UBE2D3: variants seen among roughly 807,000 people sequenced by gnomAD.
UBE2D3 encodes ubiquitin conjugating enzyme E2 D3, also known as ubiquitin-conjugating enzyme E2 D3.
A neutral mutation model predicts 22.8 loss-of-function variants in UBE2D3; 2 were observed. The observed-to-expected ratio is 0.09, with a 90% CI of 0.04 to 0.28. UBE2D3 has a LOEUF of 0.28. Among genes scored for constraint, UBE2D3 ranks in the 10% least tolerant of loss-of-function variants. UBE2D3 has a pLI of 1.00. For missense variants in UBE2D3, 27 were observed against 182.5 expected (o/e 0.15, Z 4.91); for synonymous variants, 56 against 60.4 (o/e 0.93, Z 0.34).
intron 2 of UBE2D3, chr4:102,825,448 GTTAACAT>G: frequency 1.8e-6 from 2 of 1,140,140 alleles, no homozygotes; most frequent in East Asian, 1.3e-4. Flanking sequence ...CGATATAAAA[GTTAACAT>G]TTAACAAATC....
At chr4:102,812,711 T>C (rs558784835) in intron 2 of UBE2D3, 1 of 152,328 alleles carries the variant, frequency 6.6e-6, no homozygotes, top group Admixed American at 6.5e-5. Context: ...TAAGTTTGTA[T>C]TCTGTAGCAG....
At chr4:102,827,672 C>T, upstream of UBE2D3, 12 of 986,266 alleles carry the variant, frequency 1.2e-5, no homozygotes, top group Non-Finnish European at 1.4e-5. Flanking sequence ...AGACGGCTTG[C>T]TTCCCACGTC....
chr4:102,805,341 AG>A (rs1726858165), intron 4 of UBE2D3, among the ~76,000 whole-genome samples: 3 of 152,340 alleles, frequency 2.0e-5, no homozygotes, highest in Admixed American at 6.5e-5. Flanking sequence ...CCAAAGAATA[AG>A]GAACACTGTG....
At chr4:102,868,549 A>G (rs1171879968) in intron 1 of UBE2D3, among the ~76,000 whole-genome samples, 2 of 151,988 alleles carry the variant, frequency 1.3e-5, no homozygotes, top group Non-Finnish European at 2.9e-5. Context: ...TTTAATTTTT[A>G]TTTTTTTAAG....
In UBE2D3 at chr4:102,826,616, A is replaced by T; in HGVS notation, c.-108T>A. ...GGGCAGGATTGTCTCGTCTCACACC[A>T]GCTCTGCCAGACACAGGCGCCTTTT... On this transcript the variant is annotated 5_prime_UTR_variant, in exon 2 of 8. Coordinates refer to ENST00000453744, the MANE Select transcript of UBE2D3 (RefSeq NM_181891.3). The T allele has an allele frequency of 6.3e-7, 1 of 1,590,170 alleles. No individual in the cohort carries two copies.
At chr4:102,850,274 TAAG>T (rs1373855982) in intron 1 of UBE2D3, among the ~76,000 whole-genome samples, 1 of 152,196 alleles carries the variant, frequency 6.6e-6, no homozygotes, top group Admixed American at 6.5e-5. Context: ...GGAGCTCTCA[TAAG>T]AAGGTTTCTA....
chr4:102,828,029 T>G, upstream of UBE2D3: 1 of 985,456 alleles, frequency 1.0e-6, no homozygotes, highest in Non-Finnish European at 1.2e-6. Flanking sequence ...AGCAGTTTTG[T>G]GCGCTTTTCC....
intron 1 of UBE2D3, among the ~76,000 whole-genome samples, chr4:102,853,624 A>G (rs1732487316): frequency 6.6e-6 from 1 of 152,150 alleles, no homozygotes; most frequent in African/African-American, 2.4e-5. Flanking sequence ...ATAAATTTGT[A>G]TTTTTCTGTA....
chr4:102,812,851 C>A (rs1728241531), intron 2 of UBE2D3: 1 of 152,156 alleles, frequency 6.6e-6, no homozygotes, highest in Non-Finnish European at 1.5e-5. Flanking sequence ...TTTTAAGACA[C>A]CTTAGCTCCC....
At chr4:102,816,858 C>T (rs954155945) in intron 2 of UBE2D3, among the ~76,000 whole-genome samples, 1 of 152,070 alleles carries the variant, frequency 6.6e-6, no homozygotes, top group African/African-American at 2.4e-5. Flanking sequence ...GGTATAAAAA[C>T]ACCAAGATAA....
chr4:102,864,518 C>T (rs1476698910), intron 1 of UBE2D3, among the ~76,000 whole-genome samples: 1 of 152,124 alleles, frequency 6.6e-6, no homozygotes. Context: ...AGTAAAGGGT[C>T]ATTCATTGAT....
In UBE2D3 at chr4:102,795,552, A is replaced by G. The variant is rs1725186029; in HGVS notation, c.*1863T>C. 1 of 152,084 alleles carries G rather than the reference A, an allele frequency of 6.6e-6. No individual in the cohort carries two copies. The highest frequency in any genetic ancestry group is 2.1e-4 in the South Asian group (1 of 4,836). 9.4% of individuals were successfully genotyped at this position (152,084 alleles called of 1,614,324 possible). On this transcript the variant is annotated 3_prime_UTR_variant, in exon 8 of 8. Coordinates refer to ENST00000453744, the MANE Select transcript of UBE2D3 (RefSeq NM_181891.3). ...CAAAATGAAAAAATTCACTCATTGGAAAAACTGCGTAGCTGGTTTTTTCCC... is the reference window on the plus strand; with the variant it reads ...CAAAATGAAAAAATTCACTCATTGGGAAAACTGCGTAGCTGGTTTTTTCCC...
At chr4:102,810,128 ATAAT>A in intron 2 of UBE2D3, 1 of 348,336 alleles carries the variant, frequency 2.9e-6, no homozygotes, top group Non-Finnish European at 5.3e-6. Flanking sequence ...CGAAATAGCT[ATAAT>A]TAGATATTCT....
At chr4:102,841,363 TTGAC>T (rs1731745581) in intron 1 of UBE2D3, among the ~76,000 whole-genome samples, 1 of 152,182 alleles carries the variant, frequency 6.6e-6, no homozygotes, top group African/African-American at 2.4e-5. Flanking sequence ...GCTGAACATC[TTGAC>T]TATTTAAATA....
At chr4:102,809,919 C>A in intron 2 of UBE2D3, 64 bp from the exon 3 acceptor site, 1 of 1,488,242 alleles carries the variant, frequency 6.7e-7, no homozygotes, top group Non-Finnish European at 9.3e-7. Context: ...GCAAATGAGT[C>A]CACTGCTTTC....
In UBE2D3 at chr4:102,801,476, C is replaced by G. The variant is rs200148388; in HGVS notation, c.282G>C (p.Ser94=). The change falls in exon 6 of 8, where the codon TCG becomes TCC. Residue 94 remains serine, a synonymous_variant. Transcript: ENST00000453744. ...TACCTTTAGAAATTGTTAAAGCAGG[C>G]GACCACTGTGATCTTAGAATATCGA... ...ICLDILRSQW[S]PALTISKVLL... is the part of the protein sequence containing the mutation. 35 of 1,606,904 alleles carry G rather than the reference C, an allele frequency of 2.2e-5. No individual in the cohort carries two copies. The African/African-American group carries it at 3.5e-4, about 16-fold the overall frequency.
At chr4:102,866,280 G>T (rs1220501572) in intron 1 of UBE2D3, among the ~76,000 whole-genome samples, 1 of 152,160 alleles carries the variant, frequency 6.6e-6, no homozygotes, top group African/African-American at 2.4e-5. Context: ...ATATAGACTT[G>T]CATTCACTAC....
chr4:102,808,551 A>G (rs1452344548), intron 4 of UBE2D3, among the ~76,000 whole-genome samples: 1 of 152,188 alleles, frequency 6.6e-6, no homozygotes, highest in Non-Finnish European at 1.5e-5. Flanking sequence ...TTAGGGCACT[A>G]ACATTTTAAT....
chr4:102,814,214 AGAAAATATTAACT>A (rs1728465928), intron 2 of UBE2D3, among the ~76,000 whole-genome samples: 2 of 152,160 alleles, frequency 1.3e-5, no homozygotes, highest in African/African-American at 4.8e-5. Context: ...AAATTGTAAC[AGAAAATATTAACT>A]GAACCAAATC....
Sources: gnomAD v4.1 joint callset for allele counts (sites outside exome capture counted in the v4.1 genomes callset) on GRCh38, gnomAD v4.1.1 for gene constraint, MANE v1.5 for transcripts, NCBI Gene and HGNC (gene_info 2026-07-23, HGNC 2026-07-21) for gene names.